CNTN4: variants seen among roughly 807,000 people sequenced by gnomAD.
CNTN4 encodes contactin 4, also known as contactin-4.
In CNTN4, 77 loss-of-function variants were observed where a neutral mutation model predicts 122.5. That is an observed-to-expected ratio of 0.63 (90% CI 0.52 to 0.76). The LOEUF (loss-of-function observed/expected upper bound fraction) is 0.76, where lower values mean the gene tolerates loss of function less well. CNTN4 is among the 30% of genes least tolerant of loss of function. The probability of loss-of-function intolerance (pLI) is 0.00; values close to 1 mark genes in which losing one functional copy is unlikely to be tolerated. For synonymous variants in CNTN4, 512 were observed against 447.0 expected, an observed-to-expected ratio of 1.15 and a Z score of -1.83; for missense variants, 1,256 against 1,259.1, an observed-to-expected ratio of 1.00 and a Z score of 0.04.
chr3:2,610,778 CATT>C (rs1316596868), intron 4 of CNTN4, among the ~76,000 whole-genome samples: 1 of 152,018 alleles, frequency 6.6e-6, no homozygotes, highest in Non-Finnish European at 1.5e-5. Context: ...AGAAGGCAGT[CATT>C]ATGAGTATTT....
At chr3:2,961,106 T>G in intron 13 of CNTN4, among the ~76,000 whole-genome samples, 3 of 141,882 alleles carry the variant, frequency 2.1e-5, no homozygotes, top group Non-Finnish European at 1.5e-5. Flanking sequence ...GATGGGCGCC[T>G]GTAGTCCCAG....
chr3:2,167,509 A>G (rs749780337), intron 2 of CNTN4, among the ~76,000 whole-genome samples: 3 of 152,238 alleles, frequency 2.0e-5, no homozygotes, highest in Admixed American at 6.5e-5. Flanking sequence ...AATTGGAAAC[A>G]TAAACATTCA....
chr3:3,030,875 G>A lies in CNTN4; in HGVS notation c.1683G>A (p.Leu561=), dbSNP rs761871574. 6.2e-7 allele frequency: 1 copy of A among 1,614,064 alleles called. No individual in the cohort carries two copies. Among genetic ancestry groups the A allele is most frequent in the Admixed American group, 1.7e-5 (1 of 60,020 alleles). The part of the protein sequence containing the change: ...RVGGQDSAGD[L]MIRNIQLKHA... ...ATCAGCAGGATTCAGCTGGTGATTTGATGATCCGAAACATCCAACTGAAGC... is the reference window on the plus strand; with the variant it reads ...ATCAGCAGGATTCAGCTGGTGATTTAATGATCCGAAACATCCAACTGAAGC... The change falls in exon 16 of 25, where the codon TTG becomes TTA. Residue 561 remains leucine (L), a synonymous_variant. Coordinates refer to ENST00000418658, the MANE Select transcript of CNTN4 (RefSeq NM_175607.3).
intron 2 of CNTN4, among the ~76,000 whole-genome samples, chr3:2,107,936 C>T (rs546500242): frequency 8.5e-5 from 13 of 152,122 alleles, no homozygotes; most frequent in East Asian, 1.9e-4. Flanking sequence ...ATTATAAACC[C>T]GAAGCTGTTA....
At chr3:2,276,071 T>C (rs572823159) in intron 2 of CNTN4, among the ~76,000 whole-genome samples, 2 of 152,260 alleles carry the variant, frequency 1.3e-5, no homozygotes, top group Admixed American at 1.3e-4. Flanking sequence ...TTTTATATAT[T>C]GAAAAAACGT....
intron 3 of CNTN4, among the ~76,000 whole-genome samples, chr3:2,503,683 T>C (rs1041383487): frequency 6.6e-6 from 1 of 152,066 alleles, no homozygotes; most frequent in African/African-American, 2.4e-5. Flanking sequence ...CTCTAAAAGA[T>C]TGAGAGGATT....
chr3:2,719,895 G>T (rs2087734671), intron 4 of CNTN4, among the ~76,000 whole-genome samples: 1 of 152,124 alleles, frequency 6.6e-6, no homozygotes, highest in Non-Finnish European at 1.5e-5. Context: ...TTCAGCCCTA[G>T]TTCTGCTATA....
intron 4 of CNTN4, among the ~76,000 whole-genome samples, chr3:2,717,947 C>A (rs2087601033): frequency 1.3e-5 from 2 of 151,916 alleles, no homozygotes; most frequent in South Asian, 4.2e-4. Flanking sequence ...TGTTTATTGA[C>A]CATTTATACA....
Position 2,806,985 on chromosome 3 carries a change from T to A in CNTN4, c.359-12501T>A, listed in dbSNP as rs931252240. Among the ~76,000 whole-genome samples the A allele has an allele frequency of 2.0e-5, 3 of 152,324 alleles. No individual in the cohort carries two copies. In the East Asian group the frequency reaches 5.8e-4, roughly 29 times the overall value. ...TCTGTAGTGGGCATCAACGACACTA[T>A]GTGTGATTTGTTTATTTTATTTGTC... On this transcript the variant is annotated intron_variant, in intron 6 of 24. Transcript: ENST00000418658.
intron 3 of CNTN4, among the ~76,000 whole-genome samples, chr3:2,494,765 T>C (rs901750960): frequency 3.3e-5 from 5 of 152,244 alleles, no homozygotes; most frequent in African/African-American, 1.2e-4. Flanking sequence ...TGTGTGATGC[T>C]ATACCAGAGT....
intron 3 of CNTN4, among the ~76,000 whole-genome samples, chr3:2,344,188 C>A (rs936780769): frequency 6.6e-6 from 1 of 151,984 alleles, no homozygotes; most frequent in Non-Finnish European, 1.5e-5. Context: ...AGTGATATAA[C>A]AAAATAAGCA....
At chr3:2,791,688 G>A (rs2092017237) in intron 6 of CNTN4, among the ~76,000 whole-genome samples, 1 of 152,298 alleles carries the variant, frequency 6.6e-6, no homozygotes, top group Non-Finnish European at 1.5e-5. Context: ...TGAAACAAAA[G>A]AAATGTGTTC....
intron 2 of CNTN4, among the ~76,000 whole-genome samples, chr3:2,165,717 A>T (rs924279491): frequency 2.0e-5 from 3 of 151,608 alleles, no homozygotes; most frequent in African/African-American, 7.3e-5. Context: ...CCTGGTAACC[A>T]CCATTCTATT....
intron 4 of CNTN4, among the ~76,000 whole-genome samples, chr3:2,602,427 C>G (rs965791973): frequency 6.6e-6 from 1 of 152,180 alleles, no homozygotes; most frequent in African/African-American, 2.4e-5. Flanking sequence ...GCAAAAATCA[C>G]AAGCATTCCT....
chr3:2,714,778 C>T (rs1405157996), intron 4 of CNTN4, among the ~76,000 whole-genome samples: 1 of 152,114 alleles, frequency 6.6e-6, no homozygotes, highest in Non-Finnish European at 1.5e-5. Flanking sequence ...CGCTCTGTCA[C>T]CCAGGCTGGA....
At chr3:2,545,629 T>G (rs1215707757) in intron 3 of CNTN4, among the ~76,000 whole-genome samples, 1 of 151,958 alleles carries the variant, frequency 6.6e-6, no homozygotes, top group African/African-American at 2.4e-5. Flanking sequence ...TTTTTTTTTT[T>G]TATCCTTTTC....
At chr3:2,729,447 A>T (rs567884187) in intron 4 of CNTN4, among the ~76,000 whole-genome samples, 1 of 149,292 alleles carries the variant, frequency 6.7e-6, no homozygotes, top group South Asian at 2.1e-4. Context: ...CGGGAGGCTA[A>T]GCAGGAGAAT....
intron 13 of CNTN4, among the ~76,000 whole-genome samples, chr3:2,974,174 G>A (rs114661969): frequency 7.1e-4 from 108 of 152,262 alleles, no homozygotes; most frequent in African/African-American, 2.4e-3. Context: ...AGTTTACCTA[G>A]CTGGAATATA....
At position 3,011,518 on chromosome 3, in the gene CNTN4, C is replaced by T. The variant is rs115402387; in HGVS notation, c.1487-14584C>T. Among the ~76,000 whole-genome samples the T allele has an allele frequency of 2.9e-3, 443 of 152,230 alleles. 2 individuals are homozygous for T. The highest frequency in any genetic ancestry group is 0.01 in the African/African-American group (426 of 41,564). On this transcript the variant is annotated intron_variant, in intron 14 of 24. Coordinates refer to ENST00000418658, the MANE Select transcript of CNTN4 (RefSeq NM_175607.3). ...GATCGTTTTCAAACTTTGTGTGTTG[C>T]CCTGGCAAATGAGCAAGAAGGCACC...
Sources: gnomAD v4.1 joint callset for allele counts (sites outside exome capture counted in the v4.1 genomes callset) on GRCh38, gnomAD v4.1.1 for gene constraint, MANE v1.5 for transcripts, NCBI Gene and HGNC (gene_info 2026-07-23, HGNC 2026-07-21) for gene names.